ANKRD31: variants seen among roughly 807,000 people sequenced by gnomAD.
ANKRD31 encodes the protein ankyrin repeat domain-containing protein 31.
A neutral mutation model predicts 186.0 loss-of-function variants in ANKRD31; 147 were observed. The observed-to-expected ratio is 0.79, with a 90% CI of 0.69 to 0.91. The LOEUF (loss-of-function observed/expected upper bound fraction) is 0.91. ANKRD31 is among the 40% of genes least tolerant of loss of function. The pLI, the probability that ANKRD31 is intolerant of heterozygous loss-of-function variation, is 0.00. For synonymous variants in ANKRD31, 673 were observed against 736.4 expected, an observed-to-expected ratio of 0.91 and a Z score of 1.39; for missense variants, 1,986 against 2,148.8, an observed-to-expected ratio of 0.92 and a Z score of 1.50.
At chr5:75,079,328 C>T (rs1029008633) in intron 25 of ANKRD31, among the ~76,000 whole-genome samples, 1 of 152,128 alleles carries the variant, frequency 6.6e-6, no homozygotes, top group Non-Finnish European at 1.5e-5. Flanking sequence ...TGAATGTGAA[C>T]AGATATCCTC....
chr5:75,088,994 C>T (rs1745726485), intron 23 of ANKRD31, among the ~76,000 whole-genome samples: 1 of 152,108 alleles, frequency 6.6e-6, no homozygotes, highest in South Asian at 2.1e-4. Context: ...ATTAGAATTG[C>T]CTGGAATGCT....
At chr5:75,107,434 T>C (rs1355554776) in intron 21 of ANKRD31, 87 bp downstream of exon 21, 22 of 919,068 alleles carry the variant, frequency 2.4e-5, no homozygotes, top group Non-Finnish European at 3.5e-5. Flanking sequence ...GTTTGTATTC[T>C]TAAGAAATTC....
intron 2 of ANKRD31, among the ~76,000 whole-genome samples, chr5:75,224,930 A>G (rs1290904432): frequency 6.6e-6 from 1 of 152,194 alleles, no homozygotes; most frequent in African/African-American, 2.4e-5. Context: ...GCTCTTACAA[A>G]TCAATAATAA....
At chr5:75,187,022 AGTGTGTGTGT>A (rs10624220) in intron 10 of ANKRD31, among the ~76,000 whole-genome samples, 4 of 142,612 alleles carry the variant, frequency 2.8e-5, no homozygotes, top group East Asian at 2.1e-4. Flanking sequence ...TGAGACACAG[AGTGTGTGTGT>A]GTGTGTGTGT....
intron 19 of ANKRD31, among the ~76,000 whole-genome samples, chr5:75,112,994 T>C (rs1747907170): frequency 1.3e-5 from 2 of 152,204 alleles, no homozygotes; most frequent in South Asian, 4.1e-4. Context: ...ATTAAAATCT[T>C]ATACATAATC....
At chr5:75,217,798 A>G (rs1314199303) in intron 3 of ANKRD31, among the ~76,000 whole-genome samples, 1 of 152,116 alleles carries the variant, frequency 6.6e-6, no homozygotes, top group Non-Finnish European at 1.5e-5. Flanking sequence ...TCCTGTCATC[A>G]TGTTGTTAGC....
chr5:75,086,202 G>A (rs573026319), intron 23 of ANKRD31, among the ~76,000 whole-genome samples: 1 of 152,132 alleles, frequency 6.6e-6, no homozygotes, highest in Non-Finnish European at 1.5e-5. Context: ...TTAGTGCTGG[G>A]CAATATAAGG....
Position 75,146,399 on chromosome 5 carries a change from A to T in ANKRD31, c.3012T>A (p.Asn1004Lys). Residue 1004 changes from asparagine (N) to lysine (K), a missense_variant, in exon 14 of 26, where the codon AAT becomes AAA. Asn to Lys is a moderately conservative substitution (Grantham distance 94, BLOSUM62 0). Coordinates refer to ENST00000506364, the MANE Select transcript of ANKRD31 (RefSeq NM_001372053.1). ...FGPSFDHSNG[N>K]PEQNSLACMR... ...TACAAGCCAGGGAATTTTGCTCAGGATTGCCATTTGAGTGATCAAAAGAAG... is the reference window on the plus strand; with the variant it reads ...TACAAGCCAGGGAATTTTGCTCAGGTTTGCCATTTGAGTGATCAAAAGAAG... The T allele has an allele frequency of 6.5e-7, 1 of 1,536,522 alleles. No individual in the cohort carries two copies. The highest frequency in any genetic ancestry group is 8.7e-7 in the Non-Finnish European group (1 of 1,146,472).
At chr5:75,132,906 C>A (rs898229274) in intron 17 of ANKRD31, among the ~76,000 whole-genome samples, 4 of 152,148 alleles carry the variant, frequency 2.6e-5, no homozygotes, top group African/African-American at 9.7e-5. Context: ...CATATCCAGC[C>A]AAACTAAGCT....
At chr5:75,122,107 A>G (rs1300015403) in intron 17 of ANKRD31, among the ~76,000 whole-genome samples, 2 of 152,114 alleles carry the variant, frequency 1.3e-5, no homozygotes, top group Non-Finnish European at 1.5e-5. Context: ...AAATAAACAT[A>G]ATGAGAAATG....
chr5:75,096,891 A>G (rs1746373255), intron 22 of ANKRD31, among the ~76,000 whole-genome samples: 1 of 141,176 alleles, frequency 7.1e-6, no homozygotes, highest in African/African-American at 2.7e-5. Context: ...ATTCCCACCT[A>G]TGAGTGAGAA....
chr5:75,085,341 G>T (rs1745401712), intron 23 of ANKRD31, among the ~76,000 whole-genome samples: 1 of 151,912 alleles, frequency 6.6e-6, no homozygotes, highest in Non-Finnish European at 1.5e-5. Context: ...CTGGATAAAA[G>T]ACTCTGAAGT....
chr5:75,235,973 G>A (rs758584715), intron 1 of ANKRD31, among the ~76,000 whole-genome samples: 3 of 152,188 alleles, frequency 2.0e-5, no homozygotes, highest in Non-Finnish European at 4.4e-5. Context: ...CTAATTCTGT[G>A]TACGATCCAA....
At chr5:75,163,750 A>G (rs961085902) in intron 11 of ANKRD31, among the ~76,000 whole-genome samples, 1 of 152,196 alleles carries the variant, frequency 6.6e-6, no homozygotes, top group African/African-American at 2.4e-5. Flanking sequence ...AATCAATAGT[A>G]TGATCAAAGG....
chr5:75,096,980 G>C (rs2150041726), intron 22 of ANKRD31, among the ~76,000 whole-genome samples: 1 of 152,224 alleles, frequency 6.6e-6, no homozygotes, highest in East Asian at 1.9e-4. Flanking sequence ...TCCCTACAAA[G>C]GACATGAACT....
intron 10 of ANKRD31, among the ~76,000 whole-genome samples, chr5:75,180,657 G>C (rs1754211950): frequency 6.6e-6 from 1 of 152,124 alleles, no homozygotes; most frequent in African/African-American, 2.4e-5. Context: ...TTAATAAATG[G>C]TGCTGGGAAA....
At chr5:75,233,629 A>G (rs1207644283) in intron 1 of ANKRD31, among the ~76,000 whole-genome samples, 1 of 152,106 alleles carries the variant, frequency 6.6e-6, no homozygotes, top group South Asian at 2.1e-4. Context: ...AAAAGTACCA[A>G]TAAGGGCCGG....
At chr5:75,135,985 T>A (rs1750541031) in intron 17 of ANKRD31, among the ~76,000 whole-genome samples, 1 of 152,172 alleles carries the variant, frequency 6.6e-6, no homozygotes, top group African/African-American at 2.4e-5. Flanking sequence ...TGAAACTGGA[T>A]CCCTTCCTTA....
chr5:75,193,873 T>C (rs1478430019), intron 7 of ANKRD31, among the ~76,000 whole-genome samples: 3 of 152,158 alleles, frequency 2.0e-5, no homozygotes, highest in Non-Finnish European at 4.4e-5. Flanking sequence ...CTCTAGGAGT[T>C]TTAATTTTGC....
Sources: gnomAD v4.1 joint callset for allele counts (sites outside exome capture counted in the v4.1 genomes callset) on GRCh38, gnomAD v4.1.1 for gene constraint, MANE v1.5 for transcripts, NCBI Gene and HGNC (gene_info 2026-07-23, HGNC 2026-07-21) for gene names.